The following KLHL1 variants were observed in gnomAD, a reference collection of about 807,000 sequenced individuals.
KLHL1 encodes the protein kelch like family member 1.
Under a neutral mutation model 77.7 loss-of-function variants are expected in KLHL1, and 47 were observed. The observed-to-expected ratio is 0.60, with a 90% CI of 0.48 to 0.77. The LOEUF (loss-of-function observed/expected upper bound fraction) is 0.77. Among genes scored for constraint, KLHL1 ranks in the 30% least tolerant of loss-of-function variants. KLHL1 has a pLI of 0.00. For missense variants in KLHL1, 925 were observed against 910.8 expected, an observed-to-expected ratio of 1.02 and a Z score of -0.20; for synonymous variants, 360 against 325.2, an observed-to-expected ratio of 1.11 and a Z score of -1.15.
intron 8 of KLHL1, among the ~76,000 whole-genome samples, chr13:69,724,240 G>C (rs1205600601): frequency 6.6e-6 from 1 of 152,036 alleles, no homozygotes; most frequent in African/African-American, 2.4e-5. Flanking sequence ...TGCATGTAAT[G>C]GTTGATGTAT....
intron 3 of KLHL1, among the ~76,000 whole-genome samples, chr13:69,949,639 C>A (rs189557417): frequency 1.3e-5 from 2 of 151,798 alleles, no homozygotes; most frequent in East Asian, 3.9e-4. Context: ...ATCTCCATGA[C>A]GGTGGAATAA....
rs149332120 is a variant in KLHL1, at chr13:70,012,195, C to T, written c.498-36393G>A. Among the ~76,000 whole-genome samples, 260 of 152,242 alleles carry T rather than the reference C, an allele frequency of 1.7e-3. 2 individuals carry two copies. Among genetic ancestry groups the T allele is most frequent in the African/African-American group, 6.0e-3 (249 of 41,554 alleles). ...CATATCAGGTCTCTTATTAAATTGT[C>T]TCACAGCATTCTTCAACTTTCTGAA... On this transcript the variant is annotated intron_variant, in intron 1 of 10. Coordinates refer to ENST00000377844, the MANE Select transcript of KLHL1 (RefSeq NM_020866.3).
intron 4 of KLHL1, among the ~76,000 whole-genome samples, chr13:69,939,358 T>TACATATACATACATAG (rs1566424701): frequency 3.6e-5 from 3 of 82,336 alleles, no homozygotes; most frequent in African/African-American, 1.4e-4. Flanking sequence ...TATATATATA[T>TACATATACATACATAG]ATATATATAT....
At chr13:69,875,581 T>G (rs1218422181) in intron 5 of KLHL1, among the ~76,000 whole-genome samples, 1 of 152,166 alleles carries the variant, frequency 6.6e-6, no homozygotes, top group Admixed American at 6.5e-5. Context: ...GAGTAACATG[T>G]ATATGTATGA....
chr13:69,788,819 A>T (rs1395873632), intron 7 of KLHL1, among the ~76,000 whole-genome samples: 1 of 152,166 alleles, frequency 6.6e-6, no homozygotes, highest in African/African-American at 2.4e-5. Flanking sequence ...TTGATCAGAG[A>T]TCAGCCTATA....
chr13:70,012,985 G>T (rs2439672), intron 1 of KLHL1, among the ~76,000 whole-genome samples: 123,342 of 151,984 alleles, frequency 0.81, 50,082 homozygotes, highest in Admixed American at 0.83. Context: ...ATCACTTGTC[G>T]TTTAATTTTT....
At chr13:70,046,294 A>T (rs1886494124) in intron 1 of KLHL1, among the ~76,000 whole-genome samples, 1 of 152,198 alleles carries the variant, frequency 6.6e-6, no homozygotes, top group Non-Finnish European at 1.5e-5. Context: ...TTGGGATGGC[A>T]TAAATTACTG....
chr13:70,036,835 C>CT lies in KLHL1; in HGVS notation c.498-61034dup, dbSNP rs5804467. 2.5e-3 allele frequency among the ~76,000 whole-genome samples: 129 copies of CT among 50,652 alleles called. 1 individual carries two copies. Among genetic ancestry groups the CT allele is most frequent in the African/African-American group, 3.2e-3 (44 of 13,580 alleles). The allele number at this position is 50,652 out of a possible 152,430, so 33.2% of individuals were successfully genotyped here. A position where few individuals can be genotyped will look rare whatever the true frequency, so the allele number is the denominator to read the frequency against. On this transcript the variant is annotated intron_variant, in intron 1 of 10. Transcript: ENST00000377844. ...TTGGGTTTGATTTTAATGCCATGGT[C>CT]TTTTTTTTTTTTTTTTTTTTTTTTC...
chr13:69,992,807 T>C (rs1043827436), intron 1 of KLHL1, among the ~76,000 whole-genome samples: 15 of 151,894 alleles, frequency 9.9e-5, no homozygotes, highest in Non-Finnish European at 1.8e-4. Flanking sequence ...GCAAGACAAC[T>C]CACAAAATAA....
At chr13:69,784,637 A>G (rs1876413672) in intron 7 of KLHL1, among the ~76,000 whole-genome samples, 1 of 151,518 alleles carries the variant, frequency 6.6e-6, no homozygotes, top group Admixed American at 6.6e-5. Context: ...AGAGCTAACT[A>G]TCCTAAATAT....
chr13:69,930,588 T>C (rs565739702), intron 4 of KLHL1, among the ~76,000 whole-genome samples: 1 of 151,972 alleles, frequency 6.6e-6, no homozygotes, highest in East Asian at 1.9e-4. Flanking sequence ...CAAATGATAT[T>C]TTCCTGCACA....
At chr13:69,951,543 A>G (rs1316990419) in intron 3 of KLHL1, among the ~76,000 whole-genome samples, 1 of 151,514 alleles carries the variant, frequency 6.6e-6, no homozygotes, top group African/African-American at 2.4e-5. Context: ...AAATGTTGGC[A>G]GTTTTAATAG....
intron 7 of KLHL1, among the ~76,000 whole-genome samples, chr13:69,757,816 G>T (rs1275810127): frequency 6.6e-6 from 1 of 151,832 alleles, no homozygotes; most frequent in Non-Finnish European, 1.5e-5. Flanking sequence ...AATTAGCTTG[G>T]CGTGGTGGCA....
At position 69,740,360 on chromosome 13, in the gene KLHL1, C is replaced by T. The variant is rs148930007; in HGVS notation, c.1802+34G>A. The T allele has an allele frequency of 3.8e-3, 5,422 of 1,445,420 alleles. 13 individuals are homozygous for T. The highest frequency in any genetic ancestry group is 0.011 in the Middle Eastern group (53 of 4,748). 89.5% of individuals were successfully genotyped at this position (1,445,420 alleles called of 1,614,324 possible). ...TAATATTTACCCAATAACTTTTTTTCTAAGATTAAAAAATAAGAAAAAAAT... is the reference window on the plus strand; with the variant it reads ...TAATATTTACCCAATAACTTTTTTTTTAAGATTAAAAAATAAGAAAAAAAT... On this transcript the variant is annotated intron_variant, in intron 8 of 10. Coordinates refer to ENST00000377844, the MANE Select transcript of KLHL1 (RefSeq NM_020866.3).
At chr13:69,773,083 A>C (rs779589688) in intron 7 of KLHL1, among the ~76,000 whole-genome samples, 4 of 152,118 alleles carry the variant, frequency 2.6e-5, no homozygotes, top group East Asian at 3.8e-4. Context: ...TAAAACCCTA[A>C]GGTTTGGAAA....
chr13:69,884,692 G>T (rs1881129155), intron 4 of KLHL1, among the ~76,000 whole-genome samples: 1 of 152,128 alleles, frequency 6.6e-6, no homozygotes, highest in Admixed American at 6.5e-5. Context: ...ACCCTTGGGA[G>T]AAGTTTCTTT....
At chr13:69,778,792 CTT>C (rs1172258314) in intron 7 of KLHL1, among the ~76,000 whole-genome samples, 231 of 99,176 alleles carry the variant, frequency 2.3e-3, no homozygotes, top group African/African-American at 9.0e-3. Flanking sequence ...TATTCCCTCT[CTT>C]TTTTTTTTTT....
At chr13:70,081,078 C>A (rs1267220010) in intron 1 of KLHL1, among the ~76,000 whole-genome samples, 1 of 152,110 alleles carries the variant, frequency 6.6e-6, no homozygotes, top group Admixed American at 6.6e-5. Context: ...ATGCCATGTC[C>A]TTTAAAACAC....
At chr13:70,002,553 T>A (rs938783472) in intron 1 of KLHL1, among the ~76,000 whole-genome samples, 6 of 151,452 alleles carry the variant, frequency 4.0e-5, no homozygotes, top group African/African-American at 9.7e-5. Flanking sequence ...AAATAAAAAA[T>A]AATAATAAAA....
Sources: gnomAD v4.1 joint callset for allele counts (sites outside exome capture counted in the v4.1 genomes callset) on GRCh38, gnomAD v4.1.1 for gene constraint, MANE v1.5 for transcripts, NCBI Gene and HGNC (gene_info 2026-07-23, HGNC 2026-07-21) for gene names.